Variants in TTN observed in about 807,000 individuals in gnomAD.
TTN encodes titin, also known as connectin.
In TTN, 1,525 loss-of-function variants were observed where a neutral mutation model predicts 3,223.0. That is an observed-to-expected ratio of 0.47 (90% CI 0.45 to 0.49). The LOEUF (loss-of-function observed/expected upper bound fraction) is 0.49. Ranked by LOEUF, TTN falls within the 20% of genes least tolerant of loss-of-function variation. TTN has a pLI of 0.00. For synonymous variants in TTN, 14,094 were observed against 15,161.0 expected (o/e 0.93, Z 5.17); for missense variants, 40,786 against 43,424.0 (o/e 0.94, Z 5.40).
intron 3 of TTN, among the ~76,000 whole-genome samples, chr2:178,801,573 A>G (rs2094063923): frequency 6.6e-6 from 1 of 152,228 alleles, no homozygotes; most frequent in Non-Finnish European, 1.5e-5. Context: ...TATTCTGTAT[A>G]CTAATGTCTC....
chr2:178,779,147 A>G, intron 23 of TTN, 29 bp from the exon 24 acceptor site: 1 of 1,613,400 alleles, frequency 6.2e-7, no homozygotes, highest in East Asian at 2.2e-5. Flanking sequence ...ATGTATGAAT[A>G]AAATTTACAT....
chr2:178,740,229 T>A lies in TTN; in HGVS notation c.13004A>T (p.Glu4335Val), dbSNP rs1250769549. The change falls in exon 48 of 363, where the codon GAA (glutamate) becomes GTA (valine). Residue 4335 changes from glutamate to valine, a missense_variant. Transcript: ENST00000589042. Reference protein sequence around the residue: ...GKSLRFPLALEEKQVLLKEEH... With the variant: ...GKSLRFPLALVEKQVLLKEEH... ...TTCTTTGAGCAGTACCTGCTTTTCT[T>A]CAAGTGCTAGTGGAAATCTTAAGGA... 6.2e-7 allele frequency: 1 copy of A among 1,613,724 alleles called. No individual in the cohort carries two copies. Among genetic ancestry groups the A allele is most frequent in the Non-Finnish European group, 8.5e-7 (1 of 1,179,808 alleles).
chr2:178,785,464 C>A (rs2093106745), intron 15 of TTN, among the ~76,000 whole-genome samples, 156 bp downstream of exon 15: 1 of 152,126 alleles, frequency 6.6e-6, no homozygotes, highest in Admixed American at 6.5e-5. Flanking sequence ...GAAACCAAAT[C>A]TTTAGGGTGT....
In TTN at chr2:178,562,903, C is replaced by A; in HGVS notation, c.83229G>T (p.Arg27743=). ...IDNVTRFDSG[R]YNLTLENNSG... is the part of the protein sequence containing the mutation. ...TATTATTTTCTAATGTCAGATTATA[C>A]CGACCACTGTCAAATCTGGTAACAT... The change falls in exon 326 of 363, where the codon CGG becomes CGT. Residue 27743 remains arginine, a synonymous_variant. Transcript: ENST00000589042. The A allele has an allele frequency of 1.2e-6, 2 of 1,613,462 alleles. No homozygotes were observed. The highest frequency in any genetic ancestry group is 2.2e-5 in the South Asian group (2 of 91,070).
intron 47 of TTN, chr2:178,750,963 G>T (rs751965036): frequency 3.1e-6 from 5 of 1,612,838 alleles, no homozygotes; most frequent in South Asian, 2.2e-5. Context: ...TCCTTTACCA[G>T]TGCTTCTTGG....
At position 178,575,120 on chromosome 2, in the gene TTN, T is replaced by G; in HGVS notation, c.71012A>C (p.Asp23671Ala). 1 of 1,612,944 alleles carries G rather than the reference T, an allele frequency of 6.2e-7. No homozygotes were observed. ...PKPTVTWKKG[D>A]QILKQTQRVN... Reference sequence around the variant, plus strand: ...TCTCTGTGTCTGTTTAAGAATTTGGTCTCCTTTTTTCCATGTCACTGTGGG... The same window carrying G: ...TCTCTGTGTCTGTTTAAGAATTTGGGCTCCTTTTTTCCATGTCACTGTGGG... Residue 23671 changes from aspartate (D) to alanine (A), a missense_variant, in exon 326 of 363, where the codon GAC becomes GCC. By Grantham distance (126) the Asp-to-Ala change is moderately radical. Transcript: ENST00000589042. This position sits in a 1 kb window ranked among gnomAD's most constrained non-coding sequence, Gnocchi z 4.0.
intron 78 of TTN, 60 bp from the exon 79 acceptor site, chr2:178,721,262 G>C: frequency 7.6e-7 from 1 of 1,313,866 alleles, no homozygotes; most frequent in Middle Eastern, 2.5e-4. Flanking sequence ...AAAAGAGCTT[G>C]TTTTTGTAGC....
At position 178,679,922 on chromosome 2, in the gene TTN, T is replaced by G; in HGVS notation, c.33552A>C (p.Glu11184Asp). 6.2e-7 allele frequency: 1 copy of G among 1,613,194 alleles called. No homozygotes were observed. Among genetic ancestry groups the G allele is most frequent in the Non-Finnish European group, 8.5e-7 (1 of 1,179,382 alleles). ...TGACTGGTATCACTGGCACCACTTCTTCCTCAGTTATGAACTCCTCTTCTT... is the reference window on the plus strand; with the variant it reads ...TGACTGGTATCACTGGCACCACTTCGTCCTCAGTTATGAACTCCTCTTCTT... Reference protein sequence around the residue: ...IHEEEEFITEEEVVPVIPVKV... With the variant: ...IHEEEEFITEDEVVPVIPVKV... Residue 11184 changes from glutamate (E) to aspartate (D), a missense_variant, in exon 140 of 363, where the codon GAA becomes GAC. By Grantham distance (45) the Glu-to-Asp change is conservative. Transcript: ENST00000589042.
intron 147 of TTN, among the ~76,000 whole-genome samples, chr2:178,676,585 C>G (rs1329658123): frequency 6.6e-6 from 1 of 151,762 alleles, no homozygotes; most frequent in South Asian, 2.1e-4. Context: ...TTAATTCTCA[C>G]CATAATAGCT....
In TTN at chr2:178,705,045, A is replaced by G; in HGVS notation, c.29605-79T>C. On this transcript the variant is annotated intron_variant, in intron 103 of 362. Transcript: ENST00000589042. ...GGACGCATGACTATATTCAGCTTCC[A>G]TTCTGGATGCTGGTTAGGTCATATT... is the stretch of plus-strand genomic sequence containing the variant. 12 of 1,581,166 alleles carry G rather than the reference A, an allele frequency of 7.6e-6. No homozygotes were observed. The South Asian group carries it at 1.4e-4, about 18-fold the overall frequency.
At position 178,547,550 on chromosome 2, in the gene TTN, A is replaced by ACAAGCTGC; in HGVS notation, c.94068_94075dup (p.Val31359GlyfsTer40). Reference sequence around the variant, plus strand: ...TTGAGTGCGCTTGACACTGGAATTGACAAGCTGCCAAGCTGTTGTACCCGA... The same window carrying ACAAGCTGC: ...TTGAGTGCGCTTGACACTGGAATTGACAAGCTGCCAAGCTGCCAAGCTGTTGTACCCGA... On this transcript the variant is annotated frameshift_variant, in exon 339 of 363. Transcript: ENST00000589042. LOFTEE classifies it high-confidence loss of function. The ACAAGCTGC allele has an allele frequency of 6.2e-7, 1 of 1,613,820 alleles. No homozygotes were observed. Among genetic ancestry groups the ACAAGCTGC allele is most frequent in the Non-Finnish European group, 8.5e-7 (1 of 1,179,804 alleles).
Position 178,593,819 on chromosome 2 carries a change from T to C in TTN, c.58481A>G (p.Lys19494Arg). Reference sequence around the variant, plus strand: ...CTTCCAAGAGATAACCATGTAATCTTTGGTCACCTCATCAAAACTAACTGG... The same window carrying C: ...CTTCCAAGAGATAACCATGTAATCTCTGGTCACCTCATCAAAACTAACTGG... ...VGPVSFDEVT[K>R]DYMVISWKPP... The change falls in exon 298 of 363, where the codon AAA becomes AGA. Residue 19494 changes from lysine (K) to arginine (R), a missense_variant. Transcript: ENST00000589042. 6.2e-7 allele frequency: 1 copy of C among 1,613,018 alleles called. No homozygotes were observed. Among genetic ancestry groups the C allele is most frequent in the Non-Finnish European group, 8.5e-7 (1 of 1,179,566 alleles).
rs770386689 is a variant in TTN, at chr2:178,531,291, T to G, written c.105324A>C (p.Ala35108=). ...HSASAEMKSA[A]LEEKSLEEKS... is the part of the protein sequence containing the mutation. ...TTTCTTCCAGTGACTTTTCTTCTAA[T>G]GCAGCACTTTTCATTTCTGCAGATG... Residue 35108 remains alanine, a synonymous_variant, in exon 358 of 363, where the codon GCA becomes GCC. Coordinates refer to ENST00000589042, the MANE Select transcript of TTN (RefSeq NM_001267550.2). 1 of 1,614,054 alleles carries G rather than the reference T, an allele frequency of 6.2e-7. No homozygotes were observed. Among genetic ancestry groups the G allele is most frequent in the African/African-American group, 1.3e-5 (1 of 75,068 alleles).
In TTN at chr2:178,677,674, G is replaced by C. The variant is rs769658955; in HGVS notation, c.34238C>G (p.Pro11413Arg). ...AACTTCTGGAAGGACTTCTTCTTCA[G>C]GTACAAATTCTTCTTCCTCAGGTAC... ...EYVPEEEEFV[P>R]EEEVLPEVKP... The change falls in exon 146 of 363, where the codon CCT becomes CGT. Residue 11413 changes from proline (P) to arginine (R), a missense_variant. Coordinates refer to ENST00000589042, the MANE Select transcript of TTN (RefSeq NM_001267550.2). 13 of 1,612,036 alleles carry C rather than the reference G, an allele frequency of 8.1e-6. No homozygotes were observed. The highest frequency in any genetic ancestry group is 1.1e-5 in the Non-Finnish European group (13 of 1,179,020).
chr2:178,729,494 T>C lies in TTN; in HGVS notation c.18662A>G (p.Glu6221Gly), dbSNP rs1365356147. ...VKYSDVELEC[E>G]VTGTPPFEVT... ...TTCAAACGGAGGTGTTCCCGTAACT[T>C]CACACTCCAGCTCCACGTCACTATA... Residue 6221 changes from glutamate (E) to glycine (G), a missense_variant, in exon 64 of 363, where the codon GAA (glutamate) becomes GGA (glycine). Physicochemically the swap from Glu to Gly is moderately conservative, Grantham distance 98. Coordinates refer to ENST00000589042, the MANE Select transcript of TTN (RefSeq NM_001267550.2). 6.2e-7 allele frequency: 1 copy of C among 1,613,626 alleles called. No homozygotes were observed. The highest frequency in any genetic ancestry group is 1.7e-5 in the Admixed American group (1 of 59,978).
At position 178,702,743 on chromosome 2, in the gene TTN, A is replaced by C. The variant is rs545780342; in HGVS notation, c.30224-80T>G. The C allele has an allele frequency of 8.7e-6, 12 of 1,375,460 alleles. No individual in the cohort carries two copies. The East Asian group carries it at 2.7e-4, about 31-fold the overall frequency. 85.2% of individuals were successfully genotyped at this position (1,375,460 alleles called of 1,614,324 possible). On this transcript the variant is annotated intron_variant, in intron 106 of 362. Transcript: ENST00000589042. ...TACTTGCTTTTACCTCAGATACTTA[A>C]AATCTCCATCTTTGTACCCAGTTAT...
chr2:178,637,492 G>C (rs1180710123), intron 223 of TTN, 73 bp from the exon 224 acceptor site: 11 of 859,084 alleles, frequency 1.3e-5, no homozygotes, highest in Non-Finnish European at 1.8e-5. Context: ...AACCATGGAG[G>C]GTGAGTCATG....
At chr2:178,747,207 G>T in intron 47 of TTN, 1 of 1,611,660 alleles carries the variant, frequency 6.2e-7, no homozygotes, top group Non-Finnish European at 8.5e-7. Context: ...TCTCCTGGAG[G>T]TGTGGAGTAT....
chr2:178,612,252 A>C (rs1358867647), intron 266 of TTN, 25 bp downstream of exon 266: 1 of 1,607,494 alleles, frequency 6.2e-7, no homozygotes, highest in African/African-American at 1.3e-5. Flanking sequence ...ACTTATTGTC[A>C]CAAAGATTAA....
Sources: allele counts gnomAD v4.1 joint callset (sites outside exome capture counted in the v4.1 genomes callset), GRCh38; gene constraint gnomAD v4.1.1; non-coding constraint Gnocchi (gnomAD v3.1); transcripts MANE v1.5; gene names NCBI Gene and HGNC (gene_info 2026-07-23, HGNC 2026-07-21).